The following CCDC57 variants were observed in gnomAD, a reference collection of about 807,000 sequenced individuals.
CCDC57 encodes coiled-coil domain containing 57.
CCDC57 carries 118 observed loss-of-function variants against 118.9 expected under a neutral mutation model. The observed-to-expected ratio is 0.99, with a 90% CI of 0.86 to 1.16. The LOEUF (loss-of-function observed/expected upper bound fraction) is 1.16. Ranked by LOEUF, CCDC57 falls within the 50% of genes most tolerant of loss-of-function variation. The pLI, the probability that CCDC57 is intolerant of heterozygous loss-of-function variation, is 0.00. For synonymous variants in CCDC57, 527 were observed against 532.9 expected (o/e 0.99, Z 0.15); for missense variants, 1,300 against 1,320.7 (o/e 0.98, Z 0.24).
chr17:82,160,873 CAAAAAAAAAAAAA>C (rs55750984), intron 14 of CCDC57, among the ~76,000 whole-genome samples: 130 of 60,886 alleles, frequency 2.1e-3, no homozygotes, highest in Non-Finnish European at 3.0e-3. Flanking sequence ...GACTCTGTCT[CAAAAAAAAAAAAA>C]AAAAAAAAAA....
At chr17:82,204,118 G>C (rs2049311471) in intron 2 of CCDC57, among the ~76,000 whole-genome samples, 1 of 152,104 alleles carries the variant, frequency 6.6e-6, no homozygotes, top group Admixed American at 6.5e-5. Context: ...CTCTGACGAG[G>C]CTCTGGAGCA....
intron 14 of CCDC57, among the ~76,000 whole-genome samples, chr17:82,162,881 C>T (rs2043517358): frequency 6.7e-6 from 1 of 149,966 alleles, no homozygotes. Context: ...TGGCATCGGG[C>T]AGCCCGCACA....
At chr17:82,163,064 G>A in intron 14 of CCDC57, 136 bp downstream of exon 13, 1 of 1,112,972 alleles carries the variant, frequency 9.0e-7, no homozygotes. Context: ...CCCTTCCTCA[G>A]AAAAAAACAG....
In CCDC57 at chr17:82,172,943, G is replaced by A. The variant is rs966442417; in HGVS notation, c.1507-83C>T. The A allele has an allele frequency of 2.2e-5, 29 of 1,312,172 alleles. No homozygotes were observed. Among genetic ancestry groups the A allele is most frequent in the Admixed American group, 1.2e-4 (6 of 50,880 alleles). 81.3% of individuals were successfully genotyped at this position (1,312,172 alleles called of 1,614,324 possible). A position where few individuals can be genotyped will look rare whatever the true frequency, so the allele number is the denominator to read the frequency against. On this transcript the variant is annotated intron_variant, in intron 11 of 19. Transcript: ENST00000665763. This position sits in a 1 kb window ranked among gnomAD's most constrained non-coding sequence, Gnocchi z 5.2. ...GACAGGCTGTGCCTCCGCTCTCCCC[G>A]CGCCCCTCTCGGGCCGGTCCCCCGC...
exon 3 of CCDC57, chr17:82,201,849 C>T (rs751583016): frequency 6.2e-7 from 1 of 1,613,428 alleles, no homozygotes; most frequent in African/African-American, 1.3e-5. Flanking sequence ...GAGCCGCCTC[C>T]TGCAGCTGGG....
exon 20 of CCDC57, chr17:82,101,532 C>T (rs563801702): frequency 2.9e-5 from 19 of 650,474 alleles, no homozygotes; most frequent in Admixed American, 1.8e-4. Flanking sequence ...TCAGCAGGGT[C>T]GCCTCAGCAG....
chr17:82,120,917 G>A (rs542275495), intron 19 of CCDC57, among the ~76,000 whole-genome samples: 85 of 152,158 alleles, frequency 5.6e-4, no homozygotes, highest in African/African-American at 2.0e-3. Flanking sequence ...CACCACGCCC[G>A]GCTAATTTTT....
chr17:82,201,972 G>C lies in CCDC57; in HGVS notation c.-8-20C>G. On this transcript the variant is annotated intron_variant, in intron 2 of 19. Coordinates refer to ENST00000665763, the Ensembl canonical transcript of CCDC57. ...TGGCCGCTGCAGTAAAGAGAAATCA[G>C]GTTCAGGGTGCACCGTGAGGGGCCC... 1 of 1,553,542 alleles carries C rather than the reference G, an allele frequency of 6.4e-7. No homozygotes were observed. Among genetic ancestry groups the C allele is most frequent in the Non-Finnish European group, 8.7e-7 (1 of 1,150,610 alleles).
intron 16 of CCDC57, among the ~76,000 whole-genome samples, chr17:82,137,480 C>T (rs935168473): frequency 3.9e-5 from 6 of 152,156 alleles, no homozygotes; most frequent in African/African-American, 1.4e-4. Flanking sequence ...AACAAAGCTT[C>T]CCATGCTTAT....
chr17:82,189,234 C>CTCCA (rs1163157119), intron 7 of CCDC57, among the ~76,000 whole-genome samples: 1 of 152,116 alleles, frequency 6.6e-6, no homozygotes, highest in Non-Finnish European at 1.5e-5. Flanking sequence ...TGCCACTGCA[C>CTCCA]TCCAGCCTGA....
At chr17:82,157,517 C>T (rs914450282) in intron 15 of CCDC57, 21 of 1,423,100 alleles carry the variant, frequency 1.5e-5, no homozygotes, top group African/African-American at 1.2e-4. Context: ...CCCCCACCAA[C>T]GGGGCATCAA....
intron 14 of CCDC57, among the ~76,000 whole-genome samples, chr17:82,162,340 T>G (rs921161558): frequency 6.6e-6 from 1 of 152,020 alleles, no homozygotes; most frequent in African/African-American, 2.4e-5. Context: ...AAAACGATGT[T>G]AGGAATATGT....
chr17:82,147,580 G>A (rs1197526198), intron 16 of CCDC57, among the ~76,000 whole-genome samples: 1 of 145,504 alleles, frequency 6.9e-6, no homozygotes, highest in African/African-American at 2.5e-5. Flanking sequence ...TGTACGAATG[G>A]ATGGATGGAT....
intron 16 of CCDC57, among the ~76,000 whole-genome samples, chr17:82,134,938 T>C (rs530953488): frequency 3.3e-4 from 51 of 152,338 alleles, no homozygotes; most frequent in African/African-American, 9.9e-4. Context: ...TGTTATGTTA[T>C]GTAAAGATCT....
At chr17:82,204,458 C>T (rs2049365102) in intron 2 of CCDC57, among the ~76,000 whole-genome samples, 2 of 152,170 alleles carry the variant, frequency 1.3e-5, no homozygotes, top group Non-Finnish European at 2.9e-5. Flanking sequence ...TGCACTCCCA[C>T]TTTTTTGGCT....
intron 19 of CCDC57, chr17:82,106,335 A>G (rs1324849213): frequency 2.6e-5 from 4 of 152,554 alleles, no homozygotes; most frequent in South Asian, 4.1e-4. Context: ...CCAGAGACGC[A>G]TGGCCTTCCT....
At chr17:82,139,952 T>C (rs4789682) in intron 16 of CCDC57, among the ~76,000 whole-genome samples, 147,717 of 152,314 alleles carry the variant, frequency 0.97, 71,771 homozygotes, top group South Asian at 1. Flanking sequence ...CGGCTGATGT[T>C]TTTTTAATGT....
At chr17:82,132,661 C>T (rs916138073) in intron 17 of CCDC57, among the ~76,000 whole-genome samples, 1 of 151,794 alleles carries the variant, frequency 6.6e-6, no homozygotes, top group Non-Finnish European at 1.5e-5. Flanking sequence ...CTCAAGCAGT[C>T]CTCTCACCTC....
intron 16 of CCDC57, among the ~76,000 whole-genome samples, chr17:82,135,991 G>A (rs985334536): frequency 6.6e-6 from 1 of 152,160 alleles, no homozygotes; most frequent in African/African-American, 2.4e-5. Flanking sequence ...ACAGAAAATA[G>A]CAAGTGCTGG....
Sources: allele counts gnomAD v4.1 joint callset (sites outside exome capture counted in the v4.1 genomes callset), GRCh38; gene constraint gnomAD v4.1.1; non-coding constraint Gnocchi (gnomAD v3.1); transcripts MANE v1.5; gene names NCBI Gene and HGNC (gene_info 2026-07-23, HGNC 2026-07-21).